RUFY1: variants seen among roughly 807,000 people sequenced by gnomAD.
RUFY1 encodes RUN and FYVE domain-containing protein 1.
In RUFY1, 54 loss-of-function variants were observed where a neutral mutation model predicts 94.6. That is an observed-to-expected ratio of 0.57 (90% CI 0.46 to 0.72). The LOEUF (loss-of-function observed/expected upper bound fraction) is 0.72, where lower values mean the gene tolerates loss of function less well. Among genes scored for constraint, RUFY1 ranks in the 30% least tolerant of loss-of-function variants. The pLI, the probability that RUFY1 is intolerant of heterozygous loss-of-function variation, is 0.00. For missense variants in RUFY1, 883 were observed against 883.9 expected (o/e 1.00, Z 0.01); for synonymous variants, 396 against 347.3 (o/e 1.14, Z -1.56).
In RUFY1 at chr5:179,594,935, A is replaced by C; in HGVS notation, c.1483A>C (p.Met495Leu). 6.2e-7 allele frequency: 1 copy of C among 1,612,458 alleles called. No homozygotes were observed. The highest frequency in any genetic ancestry group is 8.5e-7 in the Non-Finnish European group (1 of 1,178,694). ...CTTTGAAGGAAAAACCAACCAAGTT[A>C]TGTCCAGCATGAAACAAATGGAAGA... ...TSFEGKTNQV[M>L]SSMKQMEERL... is the part of the protein sequence containing the mutation. Residue 495 changes from methionine (M) to leucine (L), a missense_variant, in exon 12 of 18, where the codon ATG becomes CTG. Met to Leu is a conservative substitution (Grantham distance 15). Coordinates refer to ENST00000319449, the MANE Select transcript of RUFY1 (RefSeq NM_025158.5).
At chr5:179,550,983 G>A in intron 1 of RUFY1, 104 bp downstream of exon 1, 1 of 927,244 alleles carries the variant, frequency 1.1e-6, no homozygotes, top group Non-Finnish European at 1.3e-6. Flanking sequence ...GCCGTTCCGG[G>A]AGGTTACGCG....
rs2127581773 is a variant in RUFY1, at chr5:179,609,819, A to G, written c.*300A>G. 3.4e-6 allele frequency: 1 copy of G among 292,270 alleles called. No individual in the cohort carries two copies. The highest frequency in any genetic ancestry group is 7.1e-5 in the East Asian group (1 of 14,000). 18.1% of individuals were successfully genotyped at this position (292,270 alleles called of 1,614,324 possible). On this transcript the variant is annotated 3_prime_UTR_variant, in exon 18 of 18. Transcript: ENST00000319449. Reference sequence around the variant, plus strand: ...TTTCACTTTTCAAAGAATTTAACCTATTTTACAGCAGTTCAGTTCTGCTAG... The same window carrying G: ...TTTCACTTTTCAAAGAATTTAACCTGTTTTACAGCAGTTCAGTTCTGCTAG...
chr5:179,567,552 C>A lies in RUFY1; in HGVS notation c.694C>A (p.His232Asn), dbSNP rs776671858. Residue 232 changes from histidine (H) to asparagine (N), a missense_variant, in exon 4 of 18, where the codon CAT (histidine) becomes AAT (asparagine). Physicochemically the swap from His to Asn is moderately conservative, Grantham distance 68. Coordinates refer to ENST00000319449, the MANE Select transcript of RUFY1 (RefSeq NM_025158.5). ...DYLKVLIDNK[H>N]LLSEFYEPEA... ...TCTGAAAGTGCTTATAGACAATAAA[C>A]ATCTCTTAAGGTATTTCATCAACCA... 1.9e-6 allele frequency: 3 copies of A among 1,604,668 alleles called. No homozygotes were observed. Among genetic ancestry groups the A allele is most frequent in the African/African-American group, 1.3e-5 (1 of 74,754 alleles).
In RUFY1 at chr5:179,593,599, T is replaced by C. The variant is rs1341753844; in HGVS notation, c.1367T>C (p.Leu456Pro). 1.2e-6 allele frequency: 2 copies of C among 1,614,190 alleles called. No homozygotes were observed. Among genetic ancestry groups the C allele is most frequent in the Non-Finnish European group, 1.7e-6 (2 of 1,180,016 alleles). Residue 456 changes from leucine (L) to proline (P), a missense_variant, in exon 11 of 18, where the codon CTG becomes CCG. Coordinates refer to ENST00000319449, the MANE Select transcript of RUFY1 (RefSeq NM_025158.5). ...QDTLVALRQQLEEVKAINLQM... is the reference protein window; with the variant it reads ...QDTLVALRQQPEEVKAINLQM... ...ACACTAGTTGCCCTCCGCCAGCAGCTGGAAGAAGTCAAAGCGATTAATTTA... is the reference window on the plus strand; with the variant it reads ...ACACTAGTTGCCCTCCGCCAGCAGCCGGAAGAAGTCAAAGCGATTAATTTA...
intron 17 of RUFY1, 109 bp from the exon 18 acceptor site, chr5:179,609,267 A>C (rs60104959): frequency 0.41 from 461,215 of 1,133,616 alleles, 103,026 homozygotes; most frequent in Non-Finnish European, 0.45. Flanking sequence ...CCACAGAAAC[A>C]TAAGAACCCA....
intron 17 of RUFY1, chr5:179,608,302 G>A (rs997056444): frequency 1.0e-6 from 1 of 985,594 alleles, no homozygotes; most frequent in Non-Finnish European, 1.2e-6. Flanking sequence ...CTGTGGAAGA[G>A]AGGAAGCCAC....
At chr5:179,601,743 C>T (rs1766425740) in intron 14 of RUFY1, 149 bp from the exon 15 acceptor site, 1 of 585,346 alleles carries the variant, frequency 1.7e-6, no homozygotes, top group Non-Finnish European at 3.1e-6. Context: ...CGCTTGAACC[C>T]AGGAGGCGGA....
rs550941935 is a variant in RUFY1 at position 179,596,419 on chromosome 5, G to A, written c.1512-143G>A. The A allele has an allele frequency of 1.3e-5, 14 of 1,043,120 alleles. No homozygotes were observed. The East Asian group carries it at 2.8e-4, about 21-fold the overall frequency. The allele number at this position is 1,043,120 out of a possible 1,614,324, so 64.6% of individuals were successfully genotyped here. A position where few individuals can be genotyped will look rare whatever the true frequency, so the allele number is the denominator to read the frequency against. Reference sequence around the variant, plus strand: ...GGGACCGTCCTGTATTCTGATTGTGGTGGAGCTGAATCTCCACGTGTTAAA... The same window carrying A: ...GGGACCGTCCTGTATTCTGATTGTGATGGAGCTGAATCTCCACGTGTTAAA... On this transcript the variant is annotated intron_variant, in intron 12 of 17. Transcript: ENST00000319449.
At position 179,591,780 on chromosome 5, in the gene RUFY1, C is replaced by T. The variant is rs774031732; in HGVS notation, c.1245+39C>T. 2.5e-6 allele frequency: 3 copies of T among 1,179,734 alleles called. No homozygotes were observed. In the South Asian group the frequency reaches 4.1e-5, roughly 16 times the overall value. 73.1% of individuals were successfully genotyped at this position (1,179,734 alleles called of 1,614,324 possible). A position where few individuals can be genotyped will look rare whatever the true frequency, so the allele number is the denominator to read the frequency against. ...ACCGAGTGTCTTTAGAAAGAGTTTC[C>T]CCGTAGTGTTAATTCTGTCAACACT... is the stretch of plus-strand genomic sequence containing the variant. On this transcript the variant is annotated intron_variant, in intron 10 of 17. Transcript: ENST00000319449.
Position 179,609,817 on chromosome 5 carries a change from CTA to C in RUFY1, c.*300_*301del, listed in dbSNP as rs1767548647. On this transcript the variant is annotated 3_prime_UTR_variant, in exon 18 of 18. Coordinates refer to ENST00000319449, the MANE Select transcript of RUFY1 (RefSeq NM_025158.5). ...TTTTTCACTTTTCAAAGAATTTAAC[CTA>C]TTTTACAGCAGTTCAGTTCTGCTAG... is the stretch of plus-strand genomic sequence containing the variant. The C allele has an allele frequency of 3.2e-6, 1 of 310,628 alleles. No individual in the cohort carries two copies. The allele number at this position is 310,628 out of a possible 1,614,324, so 19.2% of individuals were successfully genotyped here.
intron 4 of RUFY1, among the ~76,000 whole-genome samples, chr5:179,568,640 A>T (rs1289617086): frequency 6.6e-6 from 1 of 152,238 alleles, no homozygotes; most frequent in South Asian, 2.1e-4. Flanking sequence ...TTTATGGGAT[A>T]CTATGCATGT....
At chr5:179,564,830 T>C (rs1762712672) in intron 3 of RUFY1, among the ~76,000 whole-genome samples, 1 of 152,216 alleles carries the variant, frequency 6.6e-6, no homozygotes, top group Admixed American at 6.5e-5. Flanking sequence ...CCCTAGTTTT[T>C]TTTAACCCAG....
intron 5 of RUFY1, among the ~76,000 whole-genome samples, chr5:179,569,894 G>A (rs939714833): frequency 1.1e-4 from 17 of 152,222 alleles, no homozygotes; most frequent in African/African-American, 3.9e-4. Flanking sequence ...ACAGGTGCCC[G>A]CCACCACGCC....
In RUFY1 at chr5:179,580,982, A is replaced by C. The variant is rs1764110104; in HGVS notation, c.926A>C (p.Asn309Thr). The C allele has an allele frequency of 1.2e-6, 2 of 1,609,112 alleles. No homozygotes were observed. ...ERITDVLDQK[N>T]YVEELNRHLS... ...ATTACTGATGTCCTTGATCAAAAAA[A>C]TTATGTGGAAGAACTTAACCGGCAC... is the stretch of plus-strand genomic sequence containing the variant. The change falls in exon 7 of 18, where the codon AAT becomes ACT. Residue 309 changes from asparagine to threonine, a missense_variant. Transcript: ENST00000319449.
chr5:179,558,636 T>C (rs1448829417), intron 1 of RUFY1, among the ~76,000 whole-genome samples: 1 of 151,916 alleles, frequency 6.6e-6, no homozygotes, highest in Admixed American at 6.6e-5. Flanking sequence ...TTTAACCCTC[T>C]CCACAACCAA....
chr5:179,563,427 G>T (rs1279109092), intron 3 of RUFY1, among the ~76,000 whole-genome samples: 1 of 152,292 alleles, frequency 6.6e-6, no homozygotes, highest in East Asian at 1.9e-4. Context: ...ACAAGTGTGG[G>T]AACTGAGACT....
At chr5:179,561,193 A>C (rs1208511377) in intron 2 of RUFY1, among the ~76,000 whole-genome samples, 1 of 151,660 alleles carries the variant, frequency 6.6e-6, no homozygotes, top group African/African-American at 2.4e-5. Flanking sequence ...CCAAGGCTAC[A>C]GGGTGAGATT....
chr5:179,562,991 A>G (rs1650485760), intron 3 of RUFY1: 1 of 195,770 alleles, frequency 5.1e-6, no homozygotes, highest in Admixed American at 5.8e-5. Context: ...TGAATAATAC[A>G]TTTTGGGCCA....
intron 8 of RUFY1, among the ~76,000 whole-genome samples, chr5:179,586,784 A>G (rs1382908814): frequency 6.6e-6 from 1 of 152,194 alleles, no homozygotes; most frequent in African/African-American, 2.4e-5. Context: ...GAGGCTTCAC[A>G]GTCACCTTGG....
Sources: gnomAD v4.1 joint callset for allele counts (sites outside exome capture counted in the v4.1 genomes callset) on GRCh38, gnomAD v4.1.1 for gene constraint, MANE v1.5 for transcripts, NCBI Gene and HGNC (gene_info 2026-07-23, HGNC 2026-07-21) for gene names.